Variants in CPA6 observed in about 807,000 individuals in gnomAD.
CPA6 encodes carboxypeptidase B.
CPA6 carries 58 observed loss-of-function variants against 63.3 expected under a neutral mutation model. The observed-to-expected ratio is 0.92, with a 90% confidence interval of 0.74 to 1.14. The LOEUF (loss-of-function observed/expected upper bound fraction) is 1.14, where lower values mean the gene tolerates loss of function less well. CPA6 is among the 50% of genes most tolerant of loss of function. The pLI is 0.00. For missense variants in CPA6, 565 were observed against 526.6 expected (o/e 1.07, Z -0.71); for synonymous variants, 185 against 179.0 (o/e 1.03, Z -0.27).
chr8:67,468,414 C>A (rs1223308635), intron 8 of CPA6, among the ~76,000 whole-genome samples: 2 of 151,392 alleles, frequency 1.3e-5, no homozygotes, highest in African/African-American at 4.9e-5. Flanking sequence ...GAAACCCTGT[C>A]TCTACTAAAA....
chr8:67,586,419 G>GATAGTATTATTACT (rs1813936975), intron 2 of CPA6, among the ~76,000 whole-genome samples: 1 of 152,044 alleles, frequency 6.6e-6, no homozygotes, highest in Non-Finnish European at 1.5e-5. Flanking sequence ...AACAGCTCTT[G>GATAGTATTATTACT]GGTAGTAAGT....
intron 2 of CPA6, among the ~76,000 whole-genome samples, chr8:67,548,713 T>A (rs1467345827): frequency 6.6e-6 from 1 of 152,240 alleles, no homozygotes; most frequent in African/African-American, 2.4e-5. Context: ...CTATTGCACA[T>A]GTCTACCTTC....
At chr8:67,719,529 G>C (rs1022738983) in intron 1 of CPA6, among the ~76,000 whole-genome samples, 4 of 152,178 alleles carry the variant, frequency 2.6e-5, no homozygotes, top group Non-Finnish European at 5.9e-5. Flanking sequence ...TGATTCTTGA[G>C]TTGCCCTGGT....
At chr8:67,718,862 G>T (rs963623854) in intron 1 of CPA6, among the ~76,000 whole-genome samples, 2 of 152,014 alleles carry the variant, frequency 1.3e-5, no homozygotes, top group African/African-American at 2.4e-5. Context: ...GGCTAGGATG[G>T]TCTCAATCTC....
At chr8:67,480,426 T>C (rs1215933707) in intron 8 of CPA6, among the ~76,000 whole-genome samples, 1 of 152,174 alleles carries the variant, frequency 6.6e-6, no homozygotes, top group African/African-American at 2.4e-5. Context: ...GGACATTTCA[T>C]TTGCTCTTTT....
intron 1 of CPA6, among the ~76,000 whole-genome samples, chr8:67,635,092 T>G (rs886940941): frequency 6.6e-6 from 1 of 151,440 alleles, no homozygotes; most frequent in Non-Finnish European, 1.5e-5. Flanking sequence ...CTTGTTATGT[T>G]GCCCAGGCTG....
At chr8:67,653,513 G>A (rs1266580017) in intron 1 of CPA6, among the ~76,000 whole-genome samples, 1 of 151,542 alleles carries the variant, frequency 6.6e-6, no homozygotes, top group Non-Finnish European at 1.5e-5. Flanking sequence ...AATTGTGAAT[G>A]GGAGTTCACT....
intron 2 of CPA6, among the ~76,000 whole-genome samples, chr8:67,602,323 C>T (rs1288082550): frequency 2.0e-5 from 3 of 152,086 alleles, no homozygotes; most frequent in Non-Finnish European, 4.4e-5. Flanking sequence ...CTTGCCTCTG[C>T]AAAAGGAATT....
chr8:67,429,774 G>C (rs943306455), intron 9 of CPA6: 1 of 152,070 alleles, frequency 6.6e-6, no homozygotes, highest in African/African-American at 2.4e-5. Flanking sequence ...AGGGAACTTT[G>C]CTTCTCATTA....
chr8:67,512,636 C>G (rs1446048822), intron 3 of CPA6, among the ~76,000 whole-genome samples: 1 of 152,172 alleles, frequency 6.6e-6, no homozygotes, highest in Non-Finnish European at 1.5e-5. Flanking sequence ...GAGTTTCACA[C>G]AGTAGCAAAG....
At chr8:67,637,399 A>T (rs1815493192) in intron 1 of CPA6, among the ~76,000 whole-genome samples, 1 of 151,656 alleles carries the variant, frequency 6.6e-6, no homozygotes, top group South Asian at 2.1e-4. Context: ...TCATGAAATT[A>T]ATTTCTTATA....
At chr8:67,511,242 C>T (rs897339358) in intron 4 of CPA6, among the ~76,000 whole-genome samples, 2 of 152,104 alleles carry the variant, frequency 1.3e-5, no homozygotes, top group African/African-American at 4.8e-5. Flanking sequence ...GCCATTATAG[C>T]GATAATTATA....
rs543130725 is a variant in CPA6, at chr8:67,607,721, G to T, written c.192+16455C>A. 2.6e-5 allele frequency among the ~76,000 whole-genome samples: 4 copies of T among 152,234 alleles called. No homozygotes were observed. The South Asian group carries it at 8.3e-4, about 32-fold the overall frequency. ...AGTTCAACTGATAGTTTTATCAAAT[G>T]TTTCGTCACTACATCACACTGGTAT... On this transcript the variant is annotated intron_variant, in intron 2 of 10. Transcript: ENST00000297770.
At chr8:67,509,759 C>T (rs545009795) in intron 4 of CPA6, 141 bp from the exon 5 acceptor site, 17 of 480,950 alleles carry the variant, frequency 3.5e-5, no homozygotes, top group African/African-American at 3.0e-4. Flanking sequence ...AAAAAACCTA[C>T]TTCTTATTTT....
At chr8:67,590,498 TC>T (rs1262685468) in intron 2 of CPA6, among the ~76,000 whole-genome samples, 1 of 151,310 alleles carries the variant, frequency 6.6e-6, no homozygotes, top group Non-Finnish European at 1.5e-5. Flanking sequence ...TAGTTTACGG[TC>T]CCACCAACAG....
intron 1 of CPA6, among the ~76,000 whole-genome samples, chr8:67,740,762 G>C (rs1410436604): frequency 6.6e-6 from 1 of 152,020 alleles, no homozygotes; most frequent in Admixed American, 6.6e-5. Context: ...TAGAAACAGG[G>C]TTTTGCCATG....
At chr8:67,475,873 TTC>T (rs1267780665) in intron 8 of CPA6, among the ~76,000 whole-genome samples, 1 of 88,614 alleles carries the variant, frequency 1.1e-5, no homozygotes, top group Admixed American at 1.3e-4. Context: ...CTTTCTTTCT[TTC>T]TTTCTCCTTT....
At chr8:67,597,259 C>T (rs112933899) in intron 2 of CPA6, among the ~76,000 whole-genome samples, 140 of 143,850 alleles carry the variant, frequency 9.7e-4, no homozygotes, top group African/African-American at 3.3e-3. Context: ...AGTGCAGTGG[C>T]GTGATCTCAG....
chr8:67,488,203 T>C (rs1811525454), intron 6 of CPA6, among the ~76,000 whole-genome samples: 1 of 152,230 alleles, frequency 6.6e-6, no homozygotes, highest in African/African-American at 2.4e-5. Context: ...ATTTAAGTCT[T>C]TAATCCATCT....
Sources: allele counts gnomAD v4.1 joint callset (sites outside exome capture counted in the v4.1 genomes callset), GRCh38; gene constraint gnomAD v4.1.1; transcripts MANE v1.5; gene names NCBI Gene and HGNC (gene_info 2026-07-23, HGNC 2026-07-21).